Variants in IMMP2L observed in about 807,000 individuals in gnomAD.
IMMP2L encodes mitochondrial inner membrane protease subunit 2.
Under a neutral mutation model 19.3 loss-of-function variants are expected in IMMP2L, and 18 were observed. The observed-to-expected ratio is 0.93, with a 90% CI of 0.64 to 1.38. The LOEUF (loss-of-function observed/expected upper bound fraction) is 1.38, where lower values mean the gene tolerates loss of function less well. Among genes scored for constraint, IMMP2L ranks in the 40% most tolerant of loss-of-function variants. The pLI is 0.00. For missense variants in IMMP2L, 233 were observed against 218.2 expected (o/e 1.07, Z -0.43); for synonymous variants, 76 against 73.0 (o/e 1.04, Z -0.21).
chr7:110,699,498 G>A (rs575363313), intron 5 of IMMP2L, among the ~76,000 whole-genome samples: 98 of 152,184 alleles, frequency 6.4e-4, no homozygotes, highest in African/African-American at 2.3e-3. Context: ...GAGGCCAGGA[G>A]CAGTGGCTCG....
chr7:110,830,595 A>G (rs1803885829), intron 5 of IMMP2L, among the ~76,000 whole-genome samples: 2 of 152,146 alleles, frequency 1.3e-5, no homozygotes, highest in Admixed American at 6.5e-5. Flanking sequence ...AAACATCAAA[A>G]TATTTCAATT....
chr7:110,806,002 G>A (rs1801607095), intron 5 of IMMP2L, among the ~76,000 whole-genome samples: 1 of 151,856 alleles, frequency 6.6e-6, no homozygotes, highest in Non-Finnish European at 1.5e-5. Context: ...CTAAAGTGGG[G>A]GAAGCCATTC....
rs575590839 is a variant in IMMP2L at position 111,465,041 on chromosome 7, C to T, written c.239+22197G>A. 2.1e-4 allele frequency among the ~76,000 whole-genome samples: 32 copies of T among 152,120 alleles called. 1 individual carries two copies. Among genetic ancestry groups the T allele is most frequent in the African/African-American group, 6.7e-4 (28 of 41,488 alleles). Reference sequence around the variant, plus strand: ...TCATCTTCTGACCTTGTGATCCACCCGCCTTGGCCTCCCAAAGTGCTGGGA... The same window carrying T: ...TCATCTTCTGACCTTGTGATCCACCTGCCTTGGCCTCCCAAAGTGCTGGGA... On this transcript the variant is annotated intron_variant, in intron 3 of 5. Transcript: ENST00000405709.
At chr7:110,849,358 T>C (rs1420387167) in intron 5 of IMMP2L, among the ~76,000 whole-genome samples, 1 of 152,154 alleles carries the variant, frequency 6.6e-6, no homozygotes, top group Non-Finnish European at 1.5e-5. Flanking sequence ...GAGATCTGTC[T>C]GTACTTTTAA....
At position 111,417,425 on chromosome 7, in the gene IMMP2L, G is replaced by A. The variant is rs569464894; in HGVS notation, c.239+69813C>T. The stretch of plus-strand genomic sequence containing the variant: ...GCACATTGTTTTTAGTGGGATATAT[G>A]TAAGTGGTTCTTGGTCATTTCTATG... On this transcript the variant is annotated intron_variant, in intron 3 of 5. Coordinates refer to ENST00000405709, the MANE Select transcript of IMMP2L (RefSeq NM_032549.4). Among the ~76,000 whole-genome samples, 159 of 151,874 alleles carry A rather than the reference G, an allele frequency of 1.0e-3. 1 individual carries two copies. Among genetic ancestry groups the A allele is most frequent in the Non-Finnish European group, 2.1e-3 (142 of 68,002 alleles).
intron 1 of IMMP2L, among the ~76,000 whole-genome samples, chr7:111,537,744 C>CATGATGAAATTAGTTG (rs1848024110): frequency 6.6e-6 from 1 of 151,766 alleles, no homozygotes; most frequent in African/African-American, 2.4e-5. Context: ...TCATGTTTCC[C>CATGATGAAATTAGTTG]AGGCTAATCT....
intron 4 of IMMP2L, among the ~76,000 whole-genome samples, chr7:110,920,747 C>G (rs139808570): frequency 5.9e-5 from 9 of 152,276 alleles, no homozygotes; most frequent in African/African-American, 2.2e-4. Flanking sequence ...ATTCATACTA[C>G]TTCTTTGCCC....
chr7:111,108,898 T>G (rs1798854978), intron 3 of IMMP2L, among the ~76,000 whole-genome samples: 1 of 152,176 alleles, frequency 6.6e-6, no homozygotes, highest in Non-Finnish European at 1.5e-5. Flanking sequence ...CAGTAGATAT[T>G]TATTGAACAA....
At chr7:110,770,396 T>G (rs753254388) in intron 5 of IMMP2L, among the ~76,000 whole-genome samples, 28 of 152,268 alleles carry the variant, frequency 1.8e-4, no homozygotes, top group Admixed American at 4.6e-4. Flanking sequence ...TAAGAGAAAT[T>G]AGCCTTTGTT....
At chr7:110,695,348 C>T (rs1793807688) in intron 5 of IMMP2L, among the ~76,000 whole-genome samples, 1 of 151,766 alleles carries the variant, frequency 6.6e-6, no homozygotes, top group African/African-American at 2.4e-5. Flanking sequence ...AATGCCACCA[C>T]CCCCAGCTAA....
intron 3 of IMMP2L, among the ~76,000 whole-genome samples, chr7:111,033,163 A>G (rs973163135): frequency 2.0e-5 from 3 of 152,322 alleles, no homozygotes; most frequent in Middle Eastern, 3.4e-3. Flanking sequence ...AAATAAAAAT[A>G]AGAATGGGCA....
intron 3 of IMMP2L, among the ~76,000 whole-genome samples, chr7:111,203,681 T>A (rs1053147): frequency 2.5e-4 from 38 of 151,854 alleles, no homozygotes; most frequent in African/African-American, 8.5e-4. Flanking sequence ...GTAAAATAAT[T>A]CTTCTTTGCC....
chr7:111,447,057 T>C (rs1447561843), intron 3 of IMMP2L, among the ~76,000 whole-genome samples: 2 of 141,132 alleles, frequency 1.4e-5, no homozygotes, highest in Non-Finnish European at 3.1e-5. Flanking sequence ...TGGGACTATG[T>C]GAAAAGACCA....
chr7:110,933,458 A>C (rs1374829341), intron 4 of IMMP2L, among the ~76,000 whole-genome samples: 1 of 152,178 alleles, frequency 6.6e-6, no homozygotes, highest in African/African-American at 2.4e-5. Context: ...TGAATATCCT[A>C]CTCACACAAC....
intron 3 of IMMP2L, among the ~76,000 whole-genome samples, chr7:111,048,256 AAAAAAAAAAGAAAAAAAGAAAAAAG>A (rs1792632472): frequency 1.1e-5 from 1 of 91,852 alleles, no homozygotes; most frequent in Non-Finnish European, 2.8e-5. Context: ...AAAAAAAAAA[AAAAAAAAAAGAAAAAAAGAAAAAAG>A]AAAAAAAGAA....
At chr7:111,447,239 C>A (rs1167991639) in intron 3 of IMMP2L, among the ~76,000 whole-genome samples, 1 of 131,970 alleles carries the variant, frequency 7.6e-6, no homozygotes, top group African/African-American at 3.1e-5. Flanking sequence ...AAGAGCAACT[C>A]CAAGACACAT....
chr7:111,504,634 A>G (rs1208557702), intron 2 of IMMP2L, among the ~76,000 whole-genome samples: 2 of 151,880 alleles, frequency 1.3e-5, no homozygotes, highest in Non-Finnish European at 2.9e-5. Flanking sequence ...ATATAGATTA[A>G]TGGAACAGAA....
chr7:111,030,369 T>C (rs1392243429), intron 3 of IMMP2L, among the ~76,000 whole-genome samples: 3 of 152,208 alleles, frequency 2.0e-5, no homozygotes, highest in Admixed American at 2.0e-4. Context: ...CTTTCCTTAT[T>C]TCCCCATTTA....
At chr7:111,386,469 C>G (rs1325601374) in intron 3 of IMMP2L, among the ~76,000 whole-genome samples, 1 of 152,084 alleles carries the variant, frequency 6.6e-6, no homozygotes, top group South Asian at 2.1e-4. Context: ...CCCTATGTAA[C>G]CCCCATTTGA....
Sources: gnomAD v4.1 joint callset for allele counts (sites outside exome capture counted in the v4.1 genomes callset) on GRCh38, gnomAD v4.1.1 for gene constraint, MANE v1.5 for transcripts, NCBI Gene and HGNC (gene_info 2026-07-23, HGNC 2026-07-21) for gene names.